MCTP1: variants seen among roughly 807,000 people sequenced by gnomAD.
MCTP1 encodes the protein multiple C2 and transmembrane domain-containing protein 1.
Under a neutral mutation model 120.6 loss-of-function variants are expected in MCTP1, and 69 were observed. The observed-to-expected ratio is 0.57, with a 90% CI of 0.47 to 0.70. The LOEUF (loss-of-function observed/expected upper bound fraction) is 0.70. MCTP1 is among the 30% of genes least tolerant of loss of function. The pLI, the probability that MCTP1 is intolerant of heterozygous loss-of-function variation, is 0.00. For synonymous variants in MCTP1, 529 were observed against 493.1 expected (o/e 1.07, Z -0.96); for missense variants, 1,203 against 1,248.8 (o/e 0.96, Z 0.55).
chr5:94,795,100 T>C (rs182390572), intron 18 of MCTP1, among the ~76,000 whole-genome samples: 39 of 152,334 alleles, frequency 2.6e-4, no homozygotes, highest in Non-Finnish European at 5.0e-4. Flanking sequence ...AAATGATACT[T>C]ACAGGGTGTG....
rs117300741 is a variant in MCTP1, at chr5:94,935,722, C to T, written c.1174-3731G>A. 5.2e-4 allele frequency among the ~76,000 whole-genome samples: 79 copies of T among 152,116 alleles called. No individual in the cohort carries two copies. The East Asian group carries it at 0.014, about 28-fold the overall frequency. On this transcript the variant is annotated intron_variant, in intron 5 of 22. Coordinates refer to ENST00000515393, the MANE Select transcript of MCTP1 (RefSeq NM_024717.7). Reference sequence around the variant, plus strand: ...GAGTTAGTAATCAAAGAGAACAGAACTCCTGTAATTTTGCTCTGTGAGGGT... The same window carrying T: ...GAGTTAGTAATCAAAGAGAACAGAATTCCTGTAATTTTGCTCTGTGAGGGT...
At chr5:95,151,851 C>T (rs1325368937) in intron 1 of MCTP1, among the ~76,000 whole-genome samples, 3 of 152,258 alleles carry the variant, frequency 2.0e-5, no homozygotes, top group East Asian at 3.9e-4. Context: ...TTAAAGAAGC[C>T]GGCACTCCCA....
intron 1 of MCTP1, among the ~76,000 whole-genome samples, chr5:95,249,681 C>A (rs1383826711): frequency 6.6e-6 from 1 of 152,288 alleles, no homozygotes. Context: ...GATTATAACT[C>A]ATGCTACTAT....
chr5:95,056,404 A>G (rs1379692713), intron 1 of MCTP1, among the ~76,000 whole-genome samples: 1 of 152,204 alleles, frequency 6.6e-6, no homozygotes, highest in Non-Finnish European at 1.5e-5. Context: ...TTTTGAAATT[A>G]TATTTCACAG....
At chr5:95,222,905 G>T (rs1753838806) in intron 1 of MCTP1, among the ~76,000 whole-genome samples, 1 of 152,216 alleles carries the variant, frequency 6.6e-6, no homozygotes, top group African/African-American at 2.4e-5. Context: ...ATAGAGGCTG[G>T]CAAGTCCAGA....
intron 1 of MCTP1, among the ~76,000 whole-genome samples, chr5:95,076,981 T>C (rs2152291418): frequency 6.6e-6 from 1 of 152,270 alleles, no homozygotes; most frequent in East Asian, 1.9e-4. Flanking sequence ...AACAATAACA[T>C]CTTAATACCA....
chr5:94,940,290 T>C, intron 4 of MCTP1, 95 bp from the exon 5 acceptor site: 1 of 696,046 alleles, frequency 1.4e-6, no homozygotes. Context: ...TAAAAAGTAA[T>C]TTTGTCTTCC....
At position 95,017,425 on chromosome 5, in the gene MCTP1, C is replaced by T. The variant is rs779865101; in HGVS notation, c.780G>A (p.Met260Ile). The change falls in exon 2 of 23, where the codon ATG becomes ATA. Residue 260 changes from methionine to isoleucine, a missense_variant. Physicochemically the swap from Met to Ile is conservative, Grantham distance 10. Around this residue, in one of 2 missense-constraint regions of MCTP1, gnomAD observed 463 missense variants for 377.8 expected, o/e 1.23. Coordinates refer to ENST00000515393, the MANE Select transcript of MCTP1 (RefSeq NM_024717.7). ...NAEVPLADPGMYQLDITLRRG... is the reference protein window; with the variant it reads ...NAEVPLADPGIYQLDITLRRG... Reference sequence around the variant, plus strand: ...TTCTTAATGTAATGTCCAGCTGGTACATTCCGGGATCAGCCAAGGGGACTT... The same window carrying T: ...TTCTTAATGTAATGTCCAGCTGGTATATTCCGGGATCAGCCAAGGGGACTT... 1.9e-6 allele frequency: 3 copies of T among 1,611,046 alleles called. No individual in the cohort carries two copies. The highest frequency in any genetic ancestry group is 2.5e-6 in the Non-Finnish European group (3 of 1,178,084).
intron 19 of MCTP1, among the ~76,000 whole-genome samples, chr5:94,759,377 C>A (rs1770742152): frequency 6.6e-6 from 1 of 152,144 alleles, no homozygotes; most frequent in South Asian, 2.1e-4. Flanking sequence ...GCTACCTACC[C>A]TTTTACTACT....
At chr5:94,877,346 C>T (rs1157120852) in intron 12 of MCTP1, among the ~76,000 whole-genome samples, 1 of 151,960 alleles carries the variant, frequency 6.6e-6, no homozygotes, top group Non-Finnish European at 1.5e-5. Flanking sequence ...AAGACTCATA[C>T]TTTTATCCAT....
Position 95,157,695 on chromosome 5 carries a change from C to T in MCTP1, c.720+126161G>A, listed in dbSNP as rs559921930. On this transcript the variant is annotated intron_variant, in intron 1 of 22. Coordinates refer to ENST00000515393, the MANE Select transcript of MCTP1 (RefSeq NM_024717.7). ...AAAAGTAATGTACAAACAAAGTCACCATGCAATCATGGCCTAAAAGAGCTT... is the reference window on the plus strand; with the variant it reads ...AAAAGTAATGTACAAACAAAGTCACTATGCAATCATGGCCTAAAAGAGCTT... 1.5e-3 allele frequency among the ~76,000 whole-genome samples: 224 copies of T among 152,198 alleles called. 3 individuals carry two copies. The highest frequency in any genetic ancestry group is 5.2e-3 in the African/African-American group (215 of 41,512).
At position 94,923,012 on chromosome 5, in the gene MCTP1, A is replaced by G. The variant is rs959671020; in HGVS notation, c.1272+950T>C. 4.6e-5 allele frequency among the ~76,000 whole-genome samples: 7 copies of G among 151,254 alleles called. No homozygotes were observed. The South Asian group carries it at 1.0e-3, about 22-fold the overall frequency. ...TAAAAAGCTGCAAAAAAAAAAAAAA[A>G]AAAAAAAAAGTGCATGTGCATTCGA... On this transcript the variant is annotated intron_variant, in intron 7 of 22. Coordinates refer to ENST00000515393, the MANE Select transcript of MCTP1 (RefSeq NM_024717.7).
intron 1 of MCTP1, among the ~76,000 whole-genome samples, chr5:95,080,272 T>C (rs1427126991): frequency 6.6e-6 from 1 of 152,318 alleles, no homozygotes. Flanking sequence ...AAAAGTCAGA[T>C]GTTACATTTT....
intron 1 of MCTP1, among the ~76,000 whole-genome samples, chr5:95,227,529 A>T (rs1248409053): frequency 6.6e-6 from 1 of 152,238 alleles, no homozygotes; most frequent in Non-Finnish European, 1.5e-5. Flanking sequence ...TCAGATTTCC[A>T]TCTGAGACAG....
intron 1 of MCTP1, among the ~76,000 whole-genome samples, chr5:95,023,539 G>A (rs1404279531): frequency 6.6e-6 from 1 of 152,132 alleles, no homozygotes; most frequent in African/African-American, 2.4e-5. Flanking sequence ...GAAATGAGAG[G>A]AGAAGCAACT....
At chr5:95,205,652 AC>A (rs1438283722) in intron 1 of MCTP1, among the ~76,000 whole-genome samples, 4 of 152,184 alleles carry the variant, frequency 2.6e-5, no homozygotes, top group African/African-American at 9.7e-5. Flanking sequence ...CAATATTTAC[AC>A]ACAATATTTA....
intron 19 of MCTP1, among the ~76,000 whole-genome samples, chr5:94,753,196 T>C (rs181442558): frequency 1.3e-5 from 2 of 152,324 alleles, no homozygotes; most frequent in Admixed American, 6.5e-5. Context: ...GTCAGTCTTA[T>C]GAAATGTAAA....
At chr5:95,208,265 A>G (rs1419926521) in intron 1 of MCTP1, among the ~76,000 whole-genome samples, 2 of 151,800 alleles carry the variant, frequency 1.3e-5, no homozygotes, top group Non-Finnish European at 2.9e-5. Flanking sequence ...AATTTTTTCT[A>G]TTTTTAGTAG....
At chr5:94,999,109 G>A (rs1474050975) in intron 2 of MCTP1, among the ~76,000 whole-genome samples, 1 of 152,144 alleles carries the variant, frequency 6.6e-6, no homozygotes, top group African/African-American at 2.4e-5. Context: ...TACATACTTT[G>A]TATACTTTAT....
Sources: allele counts gnomAD v4.1 joint callset (sites outside exome capture counted in the v4.1 genomes callset), GRCh38; gene constraint gnomAD v4.1.1; regional missense constraint gnomAD v4.1.1; transcripts MANE v1.5; gene names NCBI Gene and HGNC (gene_info 2026-07-23, HGNC 2026-07-21).